The following TMC8 variants were observed in gnomAD, a reference collection of about 807,000 sequenced individuals.
The protein encoded by TMC8 is transmembrane channel like 8.
Under a neutral mutation model 76.0 loss-of-function variants are expected in TMC8, and 71 were observed. The ratio of observed to expected loss-of-function variants is 0.93; its 90% CI spans 0.77 to 1.14. TMC8 has a LOEUF of 1.14. TMC8 is among the 50% of genes most tolerant of loss of function. The probability of loss-of-function intolerance (pLI) is 0.00; values close to 1 mark genes in which losing one functional copy is unlikely to be tolerated. For missense variants in TMC8, 924 were observed against 947.9 expected (o/e 0.97, Z 0.33); for synonymous variants, 433 against 433.8 (o/e 1.00, Z 0.02).
chr17:78,140,535 G>C (rs2075347315), intron 15 of TMC8, among the ~76,000 whole-genome samples: 1 of 151,924 alleles, frequency 6.6e-6, no homozygotes, highest in South Asian at 2.1e-4. Context: ...GGGTGCGTTG[G>C]GGGCGGGGCC....
chr17:78,139,432 G>C lies in TMC8; in HGVS notation c.1902+192G>C, dbSNP rs555636178. On this transcript the variant is annotated intron_variant, in intron 15 of 15. Transcript: ENST00000318430. ...CTCGGGCTCCTGAGACCAGGAGCCA[G>C]ACCTGGTAAGTACATGACCTTAGGG... Among the ~76,000 whole-genome samples, 3 of 152,298 alleles carry C rather than the reference G, an allele frequency of 2.0e-5. No homozygotes were observed. The South Asian group carries it at 6.2e-4, about 32-fold the overall frequency.
At chr17:78,133,681 C>A (rs1402977661) in intron 6 of TMC8, 139 bp downstream of exon 6, 26 of 1,539,178 alleles carry the variant, frequency 1.7e-5, no homozygotes, top group Non-Finnish European at 2.3e-5. Flanking sequence ...TCAGCCCAGG[C>A]TCTGGCCGCA....
Position 78,140,829 on chromosome 17 carries a change from C to CACAGCAGGTTCAGGAGAAGTG in TMC8, c.1903-4_1919dup, listed in dbSNP as rs780197334. On this transcript the variant is annotated splice_polypyrimidine_tract_variant and splice_region_variant and intron_variant, in intron 15 of 15. Coordinates refer to ENST00000318430, the MANE Select transcript of TMC8 (RefSeq NM_152468.5). ...GTCGCAACTCGCCACTTGTTCTCCT[C>CACAGCAGGTTCAGGAGAAGTG]ACAGCAGGTTCAGGAGAAGTGGCAC... 13 of 1,605,124 alleles carry CACAGCAGGTTCAGGAGAAGTG rather than the reference C, an allele frequency of 8.1e-6. No individual in the cohort carries two copies. The East Asian group carries it at 2.9e-4, about 36-fold the overall frequency.
Position 78,139,142 on chromosome 17 carries a change from G to A in TMC8, c.1824-20G>A, listed in dbSNP as rs757883890. On this transcript the variant is annotated intron_variant, in intron 14 of 15. Coordinates refer to ENST00000318430, the MANE Select transcript of TMC8 (RefSeq NM_152468.5). ...TGTGGCCCCAGGGGCAACTGACCAC[G>A]AATCCCCTTCCCACCCAAGCCTTGT... 16 of 1,613,130 alleles carry A rather than the reference G, an allele frequency of 9.9e-6. No homozygotes were observed. Among genetic ancestry groups the A allele is most frequent in the East Asian group, 4.5e-5 (2 of 44,886 alleles).
At position 78,137,886 on chromosome 17, in the gene TMC8, GC is replaced by G. The variant is rs1484335673; in HGVS notation, c.1349+74del. ...ATGTTGGGGGTGGCCAGTGGCTACA[GC>G]CAAGGGTGAGCGGGTCCAGTGTGGA... On this transcript the variant is annotated intron_variant, in intron 11 of 15. Coordinates refer to ENST00000318430, the MANE Select transcript of TMC8 (RefSeq NM_152468.5). 4 of 1,598,716 alleles carry G rather than the reference GC, an allele frequency of 2.5e-6. No homozygotes were observed. The East Asian group carries it at 6.7e-5, about 27-fold the overall frequency.
Position 78,131,555 on chromosome 17 carries a change from C to A in TMC8, c.-34C>A. The A allele has an allele frequency of 1.3e-6, 2 of 1,539,146 alleles. No individual in the cohort carries two copies. The highest frequency in any genetic ancestry group is 1.7e-6 in the Non-Finnish European group (2 of 1,146,446). ...GGACTCATATCCCCCCCACCGGCAG[C>A]CCGGCGCCCCAGCCTCTACCCGTGC... On this transcript the variant is annotated 5_prime_UTR_variant, in exon 2 of 16. Coordinates refer to ENST00000318430, the MANE Select transcript of TMC8 (RefSeq NM_152468.5).
Position 78,134,853 on chromosome 17 carries a change from C to A in TMC8, c.988-17C>A, listed in dbSNP as rs2075179811. On this transcript the variant is annotated splice_polypyrimidine_tract_variant and intron_variant, in intron 8 of 15. Transcript: ENST00000318430. The stretch of plus-strand genomic sequence containing the variant: ...CCCCCCAGCACGCGGGCTCCCCTGA[C>A]CTGCCTTTTCCCGCAGGAGTCCCTG... The A allele has an allele frequency of 6.2e-7, 1 of 1,613,616 alleles. No homozygotes were observed. Among genetic ancestry groups the A allele is most frequent in the East Asian group, 2.2e-5 (1 of 44,868 alleles).
At chr17:78,138,764 A>G (rs958052027) in intron 14 of TMC8, 32 bp downstream of exon 14, 1 of 1,600,794 alleles carries the variant, frequency 6.2e-7, no homozygotes, top group Admixed American at 1.7e-5. Flanking sequence ...ATGGGAGGGG[A>G]CACCTGGAGG....
intron 7 of TMC8, among the ~76,000 whole-genome samples, 188 bp from the exon 8 acceptor site, chr17:78,134,206 A>G (rs1415813850): frequency 6.6e-6 from 1 of 152,168 alleles, no homozygotes; most frequent in Non-Finnish European, 1.5e-5. Context: ...CATGTGACTG[A>G]ATGGGTGATG....
Position 78,138,190 on chromosome 17 carries a change from T to A in TMC8, c.1533+2T>A. On this transcript the variant is annotated splice_donor_variant, in intron 12 of 15. Coordinates refer to ENST00000318430, the MANE Select transcript of TMC8 (RefSeq NM_152468.5). LOFTEE classifies it high-confidence loss of function. The stretch of plus-strand genomic sequence containing the variant: ...TTCCTCACCTTCTACATCAAGAAGG[T>A]GACGGCTCATGGCTGGGGGGTATGG... The A allele has an allele frequency of 1.2e-6, 2 of 1,613,680 alleles. No homozygotes were observed. The highest frequency in any genetic ancestry group is 1.7e-6 in the Non-Finnish European group (2 of 1,179,912).
rs2075375079 is a variant in TMC8 at position 78,141,698 on chromosome 17, A to G, written c.*586A>G. On this transcript the variant is annotated 3_prime_UTR_variant, in exon 16 of 16. Transcript: ENST00000318430. Reference sequence around the variant, plus strand: ...CCAGGCACTCGGGCTCCAGAGCCACACTGCCCCAGTGTGGGGCTTAGTGGC... The same window carrying G: ...CCAGGCACTCGGGCTCCAGAGCCACGCTGCCCCAGTGTGGGGCTTAGTGGC... The G allele has an allele frequency of 6.6e-6, 1 of 152,282 alleles. No homozygotes were observed. The highest frequency in any genetic ancestry group is 6.5e-5 in the Admixed American group (1 of 15,290). 9.4% of individuals were successfully genotyped at this position (152,282 alleles called of 1,614,324 possible).
intron 9 of TMC8, among the ~76,000 whole-genome samples, chr17:78,135,446 G>A (rs371205593): frequency 2.7e-4 from 41 of 152,210 alleles, no homozygotes; most frequent in East Asian, 1.5e-3. Context: ...TGAGTGAAGC[G>A]CCCAGCCAAA....
intron 15 of TMC8, among the ~76,000 whole-genome samples, chr17:78,140,001 C>G (rs7207878): frequency 0.081 from 12,252 of 151,916 alleles, 1,668 homozygotes; most frequent in African/African-American, 0.28. Flanking sequence ...GAGACCGCCC[C>G]ATTGCACTCC....
intron 5 of TMC8, 74 bp downstream of exon 5, chr17:78,132,944 T>C: frequency 6.6e-7 from 1 of 1,506,956 alleles, no homozygotes; most frequent in East Asian, 2.3e-5. Flanking sequence ...GACACAAGTC[T>C]AAGAGGACCT....
At position 78,136,363 on chromosome 17, in the gene TMC8, G is replaced by C. The variant is rs117621057; in HGVS notation, c.1128-872G>C. The stretch of plus-strand genomic sequence containing the variant: ...CTAGGACACACAGTCCTAGCTACTA[G>C]AGAAGCTGAGGTGGGAGGATCACTT... On this transcript the variant is annotated intron_variant, in intron 9 of 15. Coordinates refer to ENST00000318430, the MANE Select transcript of TMC8 (RefSeq NM_152468.5). 6.0e-3 allele frequency among the ~76,000 whole-genome samples: 919 copies of C among 152,232 alleles called. 21 individuals are homozygous for C. The highest frequency in any genetic ancestry group is 0.055 in the East Asian group (286 of 5,170).
rs143060603 is a variant in TMC8 at position 78,140,751 on chromosome 17, C to G, written c.1903-83C>G. ...TTTGGGTGCGGGCTGGCCCATGGGC[C>G]GCAGAGTTGCTGCCGCTGCTGTCCT... On this transcript the variant is annotated intron_variant, in intron 15 of 15. Coordinates refer to ENST00000318430, the MANE Select transcript of TMC8 (RefSeq NM_152468.5). 1.0e-4 allele frequency: 160 copies of G among 1,535,406 alleles called. 4 individuals carry two copies. In the South Asian group the frequency reaches 1.9e-3, roughly 18 times the overall value.
intron 4 of TMC8, 82 bp from the exon 5 acceptor site, chr17:78,132,706 T>G: frequency 6.5e-7 from 1 of 1,534,898 alleles, no homozygotes; most frequent in Non-Finnish European, 9.0e-7. Context: ...CTCCCCAGGG[T>G]TGGGGGTTAT....
Position 78,134,006 on chromosome 17 carries a change from T to C in TMC8, c.816+6T>C, listed in dbSNP as rs765652020. 6.2e-7 allele frequency: 1 copy of C among 1,613,676 alleles called. No individual in the cohort carries two copies. Among genetic ancestry groups the C allele is most frequent in the Non-Finnish European group, 8.5e-7 (1 of 1,180,042 alleles). ...AGATCAGCAACGAGTTCAAGGTGTG[T>C]GCACGAGTGAGTGCCTGAGATCCAC... On this transcript the variant is annotated splice_donor_region_variant and intron_variant, in intron 7 of 15. Transcript: ENST00000318430.
Position 78,137,231 on chromosome 17 carries a change from C to T in TMC8, c.1128-4C>T. The T allele has an allele frequency of 6.2e-7, 1 of 1,613,700 alleles. No homozygotes were observed. Among genetic ancestry groups the T allele is most frequent in the Non-Finnish European group, 8.5e-7 (1 of 1,179,908 alleles). On this transcript the variant is annotated splice_region_variant and splice_polypyrimidine_tract_variant and intron_variant, in intron 9 of 15. Transcript: ENST00000318430. ...CCTCCACCTGACAAGGTCCCTGCCC[C>T]CAGGTGCGTGGTGCTGAAGCTGGCC... is the stretch of plus-strand genomic sequence containing the variant.
Sources: gnomAD v4.1 joint callset for allele counts (sites outside exome capture counted in the v4.1 genomes callset) on GRCh38, gnomAD v4.1.1 for gene constraint, MANE v1.5 for transcripts, NCBI Gene and HGNC (gene_info 2026-07-23, HGNC 2026-07-21) for gene names.